Variants in ZNF492 observed in about 807,000 individuals in gnomAD.
ZNF492 encodes the protein zinc finger protein 492.
ZNF492 carries 3 observed loss-of-function variants against 6.4 expected under a neutral mutation model. That is an observed-to-expected ratio of 0.47 (90% CI 0.21 to 1.22). ZNF492 has a LOEUF of 1.22. ZNF492 is among the 50% of genes most tolerant of loss of function. ZNF492 has a pLI of 0.22. For synonymous variants in ZNF492, 112 were observed against 205.3 expected, an observed-to-expected ratio of 0.55 and a Z score of 3.89; for missense variants, 356 against 612.5, an observed-to-expected ratio of 0.58 and a Z score of 4.42.
At chr19:22,655,829 T>G (rs1445392332) in intron 3 of ZNF492, among the ~76,000 whole-genome samples, 2 of 140,134 alleles carry the variant, frequency 1.4e-5, no homozygotes, top group Admixed American at 7.1e-5. Context: ...TTTTTTTTTT[T>G]TTTTTTTTTT....
intron 2 of ZNF492, 139 bp downstream of exon 2, chr19:22,653,572 A>G (rs909125864): frequency 1.6e-6 from 2 of 1,219,550 alleles, no homozygotes; most frequent in African/African-American, 3.2e-5. Context: ...TATGTAGAAA[A>G]GAATTTCAAG....
At chr19:22,636,514 C>CTGTGTGTGTGTGTGTG (rs141601969) in intron 1 of ZNF492, among the ~76,000 whole-genome samples, 5,010 of 147,086 alleles carry the variant, frequency 0.034, 84 homozygotes, top group South Asian at 0.059. Context: ...ACATGATCTT[C>CTGTGTGTGTGTGTGTG]TGTGTGTGTG....
rs371962119 is a variant in ZNF492 at position 22,641,711 on chromosome 19, C to T, written c.-94+7237C>T. Among the ~76,000 whole-genome samples, 129 of 152,262 alleles carry T rather than the reference C, an allele frequency of 8.5e-4. 1 individual carries two copies. Among genetic ancestry groups the T allele is most frequent in the African/African-American group, 2.9e-3 (119 of 41,564 alleles). On this transcript the variant is annotated intron_variant, in intron 1 of 3. Transcript: ENST00000456783. ...TGCCCACGGGTGTTGTAGTCTCCCA[C>T]TATTATTGTGTCAGTATCTCATTCT...
In ZNF492 at chr19:22,666,704, A is replaced by G. The variant is rs1972132985; in HGVS notation, c.*1439A>G. ...GTAGGTGTTCTGAGTAATATTCTGCATTATATTGAGAGACAAATTTTTAGT... is the reference window on the plus strand; with the variant it reads ...GTAGGTGTTCTGAGTAATATTCTGCGTTATATTGAGAGACAAATTTTTAGT... On this transcript the variant is annotated 3_prime_UTR_variant, in exon 4 of 4. Transcript: ENST00000456783. 1 of 151,468 alleles carries G rather than the reference A, an allele frequency of 6.6e-6. No individual in the cohort carries two copies. Among genetic ancestry groups the G allele is most frequent in the Non-Finnish European group, 1.5e-5 (1 of 68,038 alleles). The allele number at this position is 151,468 out of a possible 1,614,324, so 9.4% of individuals were successfully genotyped here. A position where few individuals can be genotyped will look rare whatever the true frequency, so the allele number is the denominator to read the frequency against.
chr19:22,650,073 A>C (rs980290314), intron 1 of ZNF492, among the ~76,000 whole-genome samples: 1 of 152,056 alleles, frequency 6.6e-6, no homozygotes, highest in Non-Finnish European at 1.5e-5. Context: ...TCTCATCTTC[A>C]TGAGTTTGTC....
Position 22,664,052 on chromosome 19 carries a change from C to G in ZNF492, c.383C>G (p.Ser128Ter). The G allele has an allele frequency of 5.6e-6, 9 of 1,602,096 alleles. No homozygotes were observed. The highest frequency in any genetic ancestry group is 7.7e-6 in the Non-Finnish European group (9 of 1,174,212). Residue 128 changes from serine to a stop codon, truncating the protein, a stop_gained, in exon 4 of 4, where the codon TCA becomes TGA. Coordinates refer to ENST00000456783, the MANE Select transcript of ZNF492 (RefSeq NM_020855.3). LOFTEE classifies it low-confidence loss of function (END_TRUNC). ...AAAGTCTTTCATAAATTTTCAAATTCAAACAGACATACGATAAGACATACT... is the reference window on the plus strand; with the variant it reads ...AAAGTCTTTCATAAATTTTCAAATTGAAACAGACATACGATAAGACATACT... ...YVKVFHKFSN[S>*]NRHTIRHTGK...
chr19:22,656,672 A>C (rs1033448354), intron 3 of ZNF492, among the ~76,000 whole-genome samples: 12 of 152,020 alleles, frequency 7.9e-5, no homozygotes, highest in African/African-American at 1.9e-4. Context: ...GGATGATTGC[A>C]GTGTAAGTTC....
intron 3 of ZNF492, among the ~76,000 whole-genome samples, chr19:22,655,813 GTTGTTTTTTTTTT>G (rs1278529867): frequency 6.2e-5 from 4 of 64,908 alleles, no homozygotes; most frequent in African/African-American, 2.3e-4. Context: ...AGTTTTTCTT[GTTGTTTTTTTTTT>G]TTTTTTTTTT....
chr19:22,657,443 C>T (rs1220857694), intron 3 of ZNF492, among the ~76,000 whole-genome samples: 2 of 151,978 alleles, frequency 1.3e-5, no homozygotes, highest in Admixed American at 6.5e-5. Flanking sequence ...TCTTAAAATG[C>T]TTATTTATCA....
At position 22,658,627 on chromosome 19, in the gene ZNF492, A is replaced by G. The variant is rs546945655; in HGVS notation, c.130+4612A>G. Among the ~76,000 whole-genome samples the G allele has an allele frequency of 5.9e-4, 83 of 141,020 alleles. 15 individuals are homozygous for G. The highest frequency in any genetic ancestry group is 2.4e-3 in the African/African-American group (81 of 34,028). 92.5% of individuals were successfully genotyped at this position (141,020 alleles called of 152,430 possible). A position where few individuals can be genotyped will look rare whatever the true frequency, so the allele number is the denominator to read the frequency against. On this transcript the variant is annotated intron_variant, in intron 3 of 3. Coordinates refer to ENST00000456783, the MANE Select transcript of ZNF492 (RefSeq NM_020855.3). ...GGCTCATTTTATTTTGCATAAAGTC[A>G]TCAAGATTTACCTTTATAGTTGTTA...
intron 3 of ZNF492, among the ~76,000 whole-genome samples, chr19:22,654,920 G>A (rs566730742): frequency 6.7e-6 from 1 of 149,532 alleles, no homozygotes; most frequent in African/African-American, 2.4e-5. Context: ...ATTTTCTATT[G>A]CTGTAAAAAA....
chr19:22,649,214 C>A (rs1156496538), intron 1 of ZNF492, among the ~76,000 whole-genome samples: 1 of 152,164 alleles, frequency 6.6e-6, no homozygotes, highest in Non-Finnish European at 1.5e-5. Flanking sequence ...ATATAAAATT[C>A]TGGGTTCAAA....
chr19:22,662,594 T>C (rs1972070324), intron 3 of ZNF492, among the ~76,000 whole-genome samples: 1 of 151,952 alleles, frequency 6.6e-6, no homozygotes, highest in Non-Finnish European at 1.5e-5. Flanking sequence ...CTCCAGCACC[T>C]GTTGTCTCCT....
intron 1 of ZNF492, among the ~76,000 whole-genome samples, chr19:22,650,570 G>T (rs1242301055): frequency 6.6e-6 from 1 of 152,074 alleles, no homozygotes; most frequent in Admixed American, 6.6e-5. Flanking sequence ...TCCCCCTAGG[G>T]ACTCAGGCCC....
chr19:22,658,494 AAAC>A (rs1213546902), intron 3 of ZNF492, among the ~76,000 whole-genome samples: 1 of 147,060 alleles, frequency 6.8e-6, no homozygotes, highest in African/African-American at 2.7e-5. Flanking sequence ...AATACACATT[AAAC>A]AACTACCAAT....
chr19:22,643,915 T>C (rs1331580811), intron 1 of ZNF492, among the ~76,000 whole-genome samples: 1 of 152,126 alleles, frequency 6.6e-6, no homozygotes, highest in Admixed American at 6.6e-5. Flanking sequence ...GACAGGGCAG[T>C]GTGGCTCATA....
intron 3 of ZNF492, among the ~76,000 whole-genome samples, chr19:22,660,467 A>G (rs1972047984): frequency 6.6e-6 from 1 of 151,240 alleles, no homozygotes; most frequent in Non-Finnish European, 1.5e-5. Context: ...TATAAGAAAC[A>G]ACAGTATAGT....
intron 1 of ZNF492, among the ~76,000 whole-genome samples, chr19:22,648,479 G>C (rs1971906584): frequency 6.6e-6 from 1 of 152,192 alleles, no homozygotes; most frequent in African/African-American, 2.4e-5. Flanking sequence ...ATCCAGAGCT[G>C]AGTTCAAGTC....
intron 3 of ZNF492, among the ~76,000 whole-genome samples, chr19:22,655,365 T>G (rs1192741968): frequency 6.6e-6 from 1 of 152,078 alleles, no homozygotes; most frequent in African/African-American, 2.4e-5. Flanking sequence ...TCTCCAATTT[T>G]TTTTTATTGA....
Sources: allele counts gnomAD v4.1 joint callset (sites outside exome capture counted in the v4.1 genomes callset), GRCh38; gene constraint gnomAD v4.1.1; transcripts MANE v1.5; gene names NCBI Gene and HGNC (gene_info 2026-07-23, HGNC 2026-07-21).